The following AKAP10 variants were observed in gnomAD, a reference collection of about 807,000 sequenced individuals.
The protein encoded by AKAP10 is A-kinase anchor protein 10, mitochondrial.
In AKAP10, 24 loss-of-function variants were observed where a neutral mutation model predicts 80.8. The observed-to-expected ratio is 0.30, with a 90% CI of 0.22 to 0.42. The LOEUF is 0.42. Among genes scored for constraint, AKAP10 ranks in the 10% least tolerant of loss-of-function variants. The pLI is 1.00. For missense variants in AKAP10, 661 were observed against 794.9 expected (o/e 0.83, Z 2.03); for synonymous variants, 291 against 277.7 (o/e 1.05, Z -0.48).
intron 1 of AKAP10, among the ~76,000 whole-genome samples, chr17:19,976,881 C>T (rs937094144): frequency 3.9e-5 from 6 of 152,202 alleles, no homozygotes; most frequent in African/African-American, 1.4e-4. Flanking sequence ...TGTCCACAGA[C>T]CCATACTTGC....
intron 12 of AKAP10, among the ~76,000 whole-genome samples, chr17:19,919,659 G>C (rs952566803): frequency 3.3e-5 from 5 of 151,730 alleles, no homozygotes; most frequent in Non-Finnish European, 7.4e-5. Flanking sequence ...ACTCCGGTCT[G>C]GGTGACAGAG....
chr17:19,946,251 ATATATATATATATATATATATATATT>A (rs2043118548), intron 5 of AKAP10, among the ~76,000 whole-genome samples: 2 of 19,358 alleles, frequency 1.0e-4, no homozygotes, highest in South Asian at 1.5e-3. Flanking sequence ...ATATATATAT[ATATATATATATATATATATATATATT>A]TTTTTTTTTT....
At chr17:19,966,870 G>A (rs1420278684) in intron 2 of AKAP10, among the ~76,000 whole-genome samples, 1 of 151,992 alleles carries the variant, frequency 6.6e-6, no homozygotes, top group Non-Finnish European at 1.5e-5. Flanking sequence ...CTTGAGAAGG[G>A]CTTTAAGCCT....
intron 8 of AKAP10, among the ~76,000 whole-genome samples, chr17:19,938,878 G>A (rs747235059): frequency 4.6e-5 from 7 of 151,750 alleles, no homozygotes; most frequent in South Asian, 4.2e-4. Context: ...GACAACAGGC[G>A]CACGCCATCA....
At chr17:19,931,204 TTACA>T (rs538667737) in intron 10 of AKAP10, among the ~76,000 whole-genome samples, 31 of 152,176 alleles carry the variant, frequency 2.0e-4, no homozygotes, top group African/African-American at 7.5e-4. Context: ...AAATAAATAC[TTACA>T]TAAAGAGCTC....
intron 4 of AKAP10, among the ~76,000 whole-genome samples, chr17:19,950,375 T>C (rs1184714191): frequency 1.3e-5 from 2 of 152,252 alleles, no homozygotes; most frequent in Admixed American, 6.5e-5. Context: ...GGCTGGACTG[T>C]ACTGCCGCCA....
chr17:19,905,317 T>C lies in AKAP10; in HGVS notation c.*910A>G, dbSNP rs1362875049. 1 of 151,516 alleles carries C rather than the reference T, an allele frequency of 6.6e-6. No individual in the cohort carries two copies. The highest frequency in any genetic ancestry group is 1.5e-5 in the Non-Finnish European group (1 of 67,932). 9.4% of individuals were successfully genotyped at this position (151,516 alleles called of 1,614,324 possible). A position where few individuals can be genotyped will look rare whatever the true frequency, so the allele number is the denominator to read the frequency against. ...GGAGGCAGTCAAAGTCAAATGTTTC[T>C]CTCTCCCCAGTCATCCTGCTCACCT... is the stretch of plus-strand genomic sequence containing the variant. On this transcript the variant is annotated 3_prime_UTR_variant, in exon 15 of 15. Transcript: ENST00000225737.
In AKAP10 at chr17:19,958,419, C is replaced by T; in HGVS notation, c.472G>A (p.Ala158Thr). The T allele has an allele frequency of 6.2e-7, 1 of 1,614,170 alleles. No individual in the cohort carries two copies. The highest frequency in any genetic ancestry group is 8.5e-7 in the Non-Finnish European group (1 of 1,180,046). The change falls in exon 4 of 15, where the codon GCT becomes ACT. Residue 158 changes from alanine to threonine, a missense_variant. By Grantham distance (58) the Ala-to-Thr change is moderately conservative. Coordinates refer to ENST00000225737, the MANE Select transcript of AKAP10 (RefSeq NM_007202.4). ...CAAGTTGTTGAATGAAAACTTTCAG[C>T]CTCTAACCAAAATTTCACCAAATGC... Reference protein sequence around the residue: ...MEHLVKFWLEAESFHSTTWSR... With the variant: ...MEHLVKFWLETESFHSTTWSR...
Position 19,941,840 on chromosome 17 carries a change from A to G in AKAP10, c.1047T>C (p.Ser349=), listed in dbSNP as rs1400448522. 6.2e-6 allele frequency: 10 copies of G among 1,600,086 alleles called. No homozygotes were observed. In the African/African-American group the frequency reaches 9.4e-5, roughly 15 times the overall value. The change falls in exon 6 of 15, where the codon AGT becomes AGC. Residue 349 remains serine, a synonymous_variant. Transcript: ENST00000225737. ...CFVLAQSIVF[S]AMEQEHFSEF... ...AACTAACTTACTCTTGCTCCATTGC[A>G]CTAAAGACTATGGACTGTGCCAAAA... is the stretch of plus-strand genomic sequence containing the variant.
At chr17:19,976,357 G>C (rs1040705997) in intron 1 of AKAP10, among the ~76,000 whole-genome samples, 10 of 151,634 alleles carry the variant, frequency 6.6e-5, no homozygotes, top group Admixed American at 5.3e-4. Context: ...GTGGGGCATG[G>C]GTAATCCCAG....
At chr17:19,970,419 A>C (rs188395399) in intron 1 of AKAP10, among the ~76,000 whole-genome samples, 1 of 152,326 alleles carries the variant, frequency 6.6e-6, no homozygotes, top group African/African-American at 2.4e-5. Flanking sequence ...ATCAAATATC[A>C]GCATTTTGCT....
At chr17:19,962,042 G>C (rs1232376907) in intron 3 of AKAP10, among the ~76,000 whole-genome samples, 1 of 152,108 alleles carries the variant, frequency 6.6e-6, no homozygotes, top group African/African-American at 2.4e-5. Context: ...CTTGTGCCCA[G>C]GAGGTGAAGG....
Position 19,940,854 on chromosome 17 carries a change from C to T in AKAP10, c.1185+33G>A, listed in dbSNP as rs748594729. On this transcript the variant is annotated intron_variant, in intron 7 of 14. Coordinates refer to ENST00000225737, the MANE Select transcript of AKAP10 (RefSeq NM_007202.4). Reference sequence around the variant, plus strand: ...ATTGATAGTTAGAGGCTGGAATGCTCGAATAGAGTGTGAAAAGAAATGCAG... The same window carrying T: ...ATTGATAGTTAGAGGCTGGAATGCTTGAATAGAGTGTGAAAAGAAATGCAG... The T allele has an allele frequency of 7.7e-6, 12 of 1,566,718 alleles. No individual in the cohort carries two copies. The African/African-American group carries it at 8.2e-5, about 11-fold the overall frequency.
At position 19,968,481 on chromosome 17, in the gene AKAP10, T is replaced by C; in HGVS notation, c.89-20A>G. 2 of 1,608,272 alleles carry C rather than the reference T, an allele frequency of 1.2e-6. No individual in the cohort carries two copies. The highest frequency in any genetic ancestry group is 1.7e-6 in the Non-Finnish European group (2 of 1,175,234). ...CTTTCACTAGAACATAAAAAGATAA[T>C]TATGACCAACTTTTGCAGTCAGAGA... On this transcript the variant is annotated intron_variant, in intron 1 of 14. Coordinates refer to ENST00000225737, the MANE Select transcript of AKAP10 (RefSeq NM_007202.4).
In AKAP10 at chr17:19,977,628, CG is replaced by C. The variant is rs2043589416; in HGVS notation, c.51del (p.Asp18ThrfsTer13). 8.1e-7 allele frequency: 1 copy of C among 1,235,116 alleles called. No individual in the cohort carries two copies. Among genetic ancestry groups the C allele is most frequent in the East Asian group, 3.2e-5 (1 of 31,742 alleles). The allele number at this position is 1,235,116 out of a possible 1,614,324, so 76.5% of individuals were successfully genotyped here. Reference protein sequence around the residue: ...SPRQSPRTLRPDPGPAMSFFR... With the variant: ...SPRQSPRTLRXDPGPAMSFFR... ...AAGAAGGACATGGCGGGGCCCGGGT[CG>C]GGACGGAGGGTGCGGGGGGACTGGC... On this transcript the variant is annotated frameshift_variant, in exon 1 of 15. Coordinates refer to ENST00000225737, the MANE Select transcript of AKAP10 (RefSeq NM_007202.4). LOFTEE classifies it high-confidence loss of function.
chr17:19,976,629 C>G (rs1463593486), intron 1 of AKAP10, among the ~76,000 whole-genome samples: 1 of 152,024 alleles, frequency 6.6e-6, no homozygotes, highest in Non-Finnish European at 1.5e-5. Context: ...AAGCGATTCT[C>G]CTGCTTCAGC....
chr17:19,920,067 A>T lies in AKAP10; in HGVS notation c.1803T>A (p.Ser601=). The change falls in exon 12 of 15, where the codon TCT becomes TCA. Residue 601 remains serine (S), a synonymous_variant. Transcript: ENST00000225737. ...ATTTCCTTACATCAGGTTCAGGCTC[A>T]GATTCTCGGATGAATTGCCCCAAGT... ...VSDLGQFIRE[S]EPEPDVRKSK... The T allele has an allele frequency of 1.9e-6, 3 of 1,613,708 alleles. No individual in the cohort carries two copies. Among genetic ancestry groups the T allele is most frequent in the Non-Finnish European group, 2.5e-6 (3 of 1,179,672 alleles).
rs2042794286 is a variant in AKAP10 at position 19,920,134 on chromosome 17, C to CAGAA, written c.1752-20_1752-17dup. ...TGTCATCTTCCTAAATAAGAATGAACAGAAGACTTTAACTTCTAACAATCA... is the reference window on the plus strand; with the variant it reads ...TGTCATCTTCCTAAATAAGAATGAACAGAAAGAAGACTTTAACTTCTAACAATCA... On this transcript the variant is annotated splice_polypyrimidine_tract_variant and intron_variant, in intron 11 of 14. Transcript: ENST00000225737. 1 of 1,564,128 alleles carries CAGAA rather than the reference C, an allele frequency of 6.4e-7. No homozygotes were observed. The highest frequency in any genetic ancestry group is 1.4e-5 in the African/African-American group (1 of 73,648).
At chr17:19,961,548 C>T (rs1170073389) in intron 3 of AKAP10, among the ~76,000 whole-genome samples, 1 of 152,070 alleles carries the variant, frequency 6.6e-6, no homozygotes, top group African/African-American at 2.4e-5. Flanking sequence ...TGAATATACA[C>T]AAAAGTAGAG....
Sources: allele counts gnomAD v4.1 joint callset (sites outside exome capture counted in the v4.1 genomes callset), GRCh38; gene constraint gnomAD v4.1.1; transcripts MANE v1.5; gene names NCBI Gene and HGNC (gene_info 2026-07-23, HGNC 2026-07-21).